The following RSU1 variants were observed in gnomAD, a reference collection of about 807,000 sequenced individuals.
RSU1 encodes rsu-1.
A neutral mutation model predicts 31.1 loss-of-function variants in RSU1; 26 were observed. The ratio of observed to expected loss-of-function variants is 0.84; its 90% confidence interval spans 0.61 to 1.16. RSU1 has a LOEUF of 1.16. RSU1 is among the 50% of genes most tolerant of loss of function. The pLI, the probability that RSU1 is intolerant of heterozygous loss-of-function variation, is 0.00. For missense variants in RSU1, 320 were observed against 339.1 expected, an observed-to-expected ratio of 0.94 and a Z score of 0.44; for synonymous variants, 164 against 136.3, an observed-to-expected ratio of 1.20 and a Z score of -1.41.
intron 8 of RSU1, among the ~76,000 whole-genome samples, chr10:16,677,176 T>C (rs1022258567): frequency 3.9e-5 from 6 of 152,190 alleles, no homozygotes; most frequent in East Asian, 1.9e-4. Context: ...CAAAGCAACA[T>C]GGAAAATGAG....
At chr10:16,621,092 A>G (rs1834061035) in intron 8 of RSU1, among the ~76,000 whole-genome samples, 1 of 152,198 alleles carries the variant, frequency 6.6e-6, no homozygotes, top group Non-Finnish European at 1.5e-5. Flanking sequence ...CTTATTTGTG[A>G]CACAGGCACA....
chr10:16,652,463 C>G (rs1834704089), intron 8 of RSU1, among the ~76,000 whole-genome samples: 1 of 150,262 alleles, frequency 6.7e-6, no homozygotes, highest in Non-Finnish European at 1.5e-5. Flanking sequence ...AAACATTTCC[C>G]AAACTTTCCA....
intron 7 of RSU1, among the ~76,000 whole-genome samples, chr10:16,697,178 C>T (rs1014746846): frequency 1.3e-5 from 2 of 152,094 alleles, no homozygotes; most frequent in East Asian, 1.9e-4. Context: ...ACAGTGACCA[C>T]GGTGCAGCAA....
chr10:16,709,163 A>G (rs1362010337), intron 7 of RSU1, among the ~76,000 whole-genome samples: 1 of 148,802 alleles, frequency 6.7e-6, no homozygotes, highest in African/African-American at 2.5e-5. Flanking sequence ...ACCCCACAAC[A>G]GGCCCCAGAG....
In RSU1 at chr10:16,727,215, G is replaced by A. The variant is rs45607732; in HGVS notation, c.598+25324C>T. The stretch of plus-strand genomic sequence containing the variant: ...GACTCACCTGGGCGGAAAGAGTGAC[G>A]ATGTTCCGCCTGGCTGCATCTTTTG... On this transcript the variant is annotated intron_variant, in intron 7 of 8. Transcript: ENST00000345264. 1,997 of 447,718 alleles carry A rather than the reference G, an allele frequency of 4.5e-3. 7 individuals are homozygous for A. Among genetic ancestry groups the A allele is most frequent in the Non-Finnish European group, 7.7e-3 (1,700 of 220,940 alleles). The allele number at this position is 447,718 out of a possible 1,614,324, so 27.7% of individuals were successfully genotyped here. A position where few individuals can be genotyped will look rare whatever the true frequency, so the allele number is the denominator to read the frequency against.
Position 16,734,479 on chromosome 10 carries a change from A to G in RSU1, c.598+18060T>C, listed in dbSNP as rs1483837925. 2.6e-5 allele frequency among the ~76,000 whole-genome samples: 4 copies of G among 152,340 alleles called. No homozygotes were observed. The South Asian group carries it at 6.2e-4, about 24-fold the overall frequency. ...ATATTTGGGGCGGGAATTCTGCACT[A>G]AAGGGCACATGCGTGGATATGGGGG... On this transcript the variant is annotated intron_variant, in intron 7 of 8. Transcript: ENST00000345264.
chr10:16,711,647 C>T (rs1430807840), intron 7 of RSU1, among the ~76,000 whole-genome samples: 1 of 152,174 alleles, frequency 6.6e-6, no homozygotes, highest in African/African-American at 2.4e-5. Flanking sequence ...AATTGACCCA[C>T]TGGTTGTTGA....
rs1554765235 is a variant in RSU1 at position 16,669,365 on chromosome 10, GT to G, written c.731+25657del. Among the ~76,000 whole-genome samples, 1,232 of 150,120 alleles carry G rather than the reference GT, an allele frequency of 8.2e-3. 13 individuals are homozygous for G. Among genetic ancestry groups the G allele is most frequent in the South Asian group, 0.043 (202 of 4,720 alleles). On this transcript the variant is annotated intron_variant, in intron 8 of 8. Coordinates refer to ENST00000345264, the MANE Select transcript of RSU1 (RefSeq NM_012425.4). ...TGTCTTCTTGAAATTAACATTTTCT[GT>G]TTTTTTTCCCCCCCCAAAGCACCAT...
intron 2 of RSU1, among the ~76,000 whole-genome samples, chr10:16,812,489 T>A (rs1364974508): frequency 6.6e-6 from 1 of 151,952 alleles, no homozygotes; most frequent in Admixed American, 6.6e-5. Context: ...TTTTAATAGA[T>A]TATATCTAAA....
At chr10:16,788,438 T>C (rs564893108) in intron 2 of RSU1, among the ~76,000 whole-genome samples, 11 of 152,214 alleles carry the variant, frequency 7.2e-5, no homozygotes, top group Middle Eastern at 3.4e-3. Context: ...GTTAAGTGCC[T>C]TCATAAGAGG....
chr10:16,623,338 C>T (rs1347136274), intron 8 of RSU1, among the ~76,000 whole-genome samples: 1 of 152,162 alleles, frequency 6.6e-6, no homozygotes, highest in Non-Finnish European at 1.5e-5. Flanking sequence ...CCTCCAGCTC[C>T]ATATGTTGCT....
chr10:16,674,532 T>A lies in RSU1; in HGVS notation c.731+20491A>T, dbSNP rs560074290. Among the ~76,000 whole-genome samples, 12 of 152,066 alleles carry A rather than the reference T, an allele frequency of 7.9e-5. No individual in the cohort carries two copies. In the South Asian group the frequency reaches 2.5e-3, roughly 32 times the overall value. ...GGTGCCAGGCAATGTCTGAAGCTCCTGAGGACAGAGCAGTGTACAAAACTA... is the reference window on the plus strand; with the variant it reads ...GGTGCCAGGCAATGTCTGAAGCTCCAGAGGACAGAGCAGTGTACAAAACTA... On this transcript the variant is annotated intron_variant, in intron 8 of 8. Coordinates refer to ENST00000345264, the MANE Select transcript of RSU1 (RefSeq NM_012425.4).
intron 8 of RSU1, among the ~76,000 whole-genome samples, chr10:16,634,385 CT>C (rs34341821): frequency 6.6e-6 from 1 of 152,174 alleles, no homozygotes; most frequent in East Asian, 1.9e-4. Context: ...GATGCGCAAC[CT>C]TTTTTTCCTC....
chr10:16,767,131 C>T (rs987180228), intron 3 of RSU1: 13 of 152,168 alleles, frequency 8.5e-5, no homozygotes, highest in Admixed American at 7.2e-4. Flanking sequence ...TGCCCACAGA[C>T]CTCATCCCTC....
chr10:16,676,814 G>A (rs968602895), intron 8 of RSU1, among the ~76,000 whole-genome samples: 1 of 152,150 alleles, frequency 6.6e-6, no homozygotes, highest in African/African-American at 2.4e-5. Context: ...TATACAGGTT[G>A]AGTATCCCTA....
At chr10:16,702,352 C>T (rs1364829650) in intron 7 of RSU1, among the ~76,000 whole-genome samples, 2 of 152,190 alleles carry the variant, frequency 1.3e-5, no homozygotes, top group Non-Finnish European at 2.9e-5. Context: ...ACCTCTAGAC[C>T]AGAGAATGGT....
chr10:16,770,088 C>A (rs1201976424), intron 3 of RSU1, among the ~76,000 whole-genome samples: 1 of 152,078 alleles, frequency 6.6e-6, no homozygotes, highest in Non-Finnish European at 1.5e-5. Flanking sequence ...AACACTGAAC[C>A]CTAATGGCAG....
chr10:16,724,003 T>G (rs892339314), intron 7 of RSU1, among the ~76,000 whole-genome samples: 1 of 152,098 alleles, frequency 6.6e-6, no homozygotes, highest in Non-Finnish European at 1.5e-5. Context: ...TGCAGTGGTA[T>G]GATCTCGGCT....
intron 3 of RSU1, 151 bp from the exon 4 acceptor site, chr10:16,764,661 A>T (rs1347054198): frequency 1.2e-6 from 1 of 818,800 alleles, no homozygotes; most frequent in Non-Finnish European, 1.8e-6. Flanking sequence ...TATTTTTTAC[A>T]GGTTTTTCAT....
Sources: gnomAD v4.1 joint callset for allele counts (sites outside exome capture counted in the v4.1 genomes callset) on GRCh38, gnomAD v4.1.1 for gene constraint, MANE v1.5 for transcripts, NCBI Gene and HGNC (gene_info 2026-07-23, HGNC 2026-07-21) for gene names.